The following TGFBR2 variants were observed in gnomAD, a reference collection of about 807,000 sequenced individuals.
TGFBR2 encodes TGF-beta receptor type-2.
TGFBR2 carries 18 observed loss-of-function variants against 49.0 expected under a neutral mutation model. The ratio of observed to expected loss-of-function variants is 0.37; its 90% CI spans 0.25 to 0.54. The LOEUF (loss-of-function observed/expected upper bound fraction) is 0.54. TGFBR2 is among the 20% of genes least tolerant of loss of function. The pLI is 0.85. For synonymous variants in TGFBR2, 282 were observed against 275.9 expected, an observed-to-expected ratio of 1.02 and a Z score of -0.22; for missense variants, 525 against 722.6, an observed-to-expected ratio of 0.73 and a Z score of 3.13.
At chr3:30,659,933 T>C (rs1360175778) in intron 3 of TGFBR2, among the ~76,000 whole-genome samples, 1 of 152,058 alleles carries the variant, frequency 6.6e-6, no homozygotes, top group Non-Finnish European at 1.5e-5. Flanking sequence ...AAATTGACTT[T>C]TATTTCCACC....
At position 30,639,805 on chromosome 3, in the gene TGFBR2, T is replaced by TA. The variant is rs375344656; in HGVS notation, c.95-4941dup. Reference sequence around the variant, plus strand: ...GTCGGTAGATACATGAATTCAATGATACACGAATGCATGAATTCAGTGATA... The same window carrying TA: ...GTCGGTAGATACATGAATTCAATGATAACACGAATGCATGAATTCAGTGATA... On this transcript the variant is annotated intron_variant, in intron 1 of 6. Transcript: ENST00000295754. Among the ~76,000 whole-genome samples, 3 of 152,332 alleles carry TA rather than the reference T, an allele frequency of 2.0e-5. No homozygotes were observed. The East Asian group carries it at 5.8e-4, about 29-fold the overall frequency.
intron 1 of TGFBR2, among the ~76,000 whole-genome samples, chr3:30,616,237 C>T (rs1318614222): frequency 6.6e-6 from 1 of 152,092 alleles, no homozygotes; most frequent in African/African-American, 2.4e-5. Flanking sequence ...AATGCCTCTT[C>T]CTCCTTCCCC....
Position 30,681,443 on chromosome 3 carries a change from T to G in TGFBR2, c.1397-6941T>G, listed in dbSNP as rs535661027. On this transcript the variant is annotated intron_variant, in intron 5 of 6. Coordinates refer to ENST00000295754, the MANE Select transcript of TGFBR2 (RefSeq NM_003242.6). The stretch of plus-strand genomic sequence containing the variant: ...CACCAGATGCTGACTTTCCGAGGAA[T>G]ACCATTGCTGTCCCAGAGACCTGCC... 7.9e-5 allele frequency among the ~76,000 whole-genome samples: 12 copies of G among 152,214 alleles called. No individual in the cohort carries two copies. The South Asian group carries it at 2.5e-3, about 32-fold the overall frequency.
At position 30,644,901 on chromosome 3, in the gene TGFBR2, C is replaced by T; in HGVS notation, c.249C>T (p.Val83=). 1 of 1,614,022 alleles carries T rather than the reference C, an allele frequency of 6.2e-7. No individual in the cohort carries two copies. The highest frequency in any genetic ancestry group is 8.5e-7 in the Non-Finnish European group (1 of 1,179,904). ...CCATCTGTGAGAAGCCACAGGAAGT[C>T]TGTGTGGCTGTATGGTAAGCAAGCC... The part of the protein sequence containing the change: ...ITSICEKPQE[V]CVAVWRKNDE... The change falls in exon 2 of 7, where the codon GTC becomes GTT. Residue 83 remains valine, a synonymous_variant. Coordinates refer to ENST00000295754, the MANE Select transcript of TGFBR2 (RefSeq NM_003242.6).
chr3:30,634,465 T>G (rs13083158), intron 1 of TGFBR2, among the ~76,000 whole-genome samples: 46,659 of 152,136 alleles, frequency 0.31, 8,314 homozygotes, highest in East Asian at 0.67. Context: ...TTAAAGATCT[T>G]GAGGAAAGGA....
chr3:30,631,668 AG>A (rs1698440446), intron 1 of TGFBR2, among the ~76,000 whole-genome samples: 1 of 143,508 alleles, frequency 7.0e-6, no homozygotes, highest in African/African-American at 2.6e-5. Context: ...AAAAACATGA[AG>A]GGGGAAGTTT....
intron 3 of TGFBR2, among the ~76,000 whole-genome samples, chr3:30,663,420 A>G (rs1263600809): frequency 6.6e-6 from 1 of 152,182 alleles, no homozygotes; most frequent in African/African-American, 2.4e-5. Context: ...CATTTCATGT[A>G]CTTTATAAAG....
At chr3:30,655,396 C>T (rs1486328424) in intron 3 of TGFBR2, among the ~76,000 whole-genome samples, 1 of 152,198 alleles carries the variant, frequency 6.6e-6, no homozygotes. Flanking sequence ...CATCCAGTTT[C>T]TCTTTTTCTC....
At chr3:30,631,657 G>A (rs1420898297) in intron 1 of TGFBR2, among the ~76,000 whole-genome samples, 8 of 117,454 alleles carry the variant, frequency 6.8e-5, no homozygotes, top group African/African-American at 2.5e-4. Context: ...TCCTCTGCTT[G>A]AAAAACATGA....
At chr3:30,640,410 G>A (rs1272368803) in intron 1 of TGFBR2, among the ~76,000 whole-genome samples, 1 of 152,204 alleles carries the variant, frequency 6.6e-6, no homozygotes, top group South Asian at 2.1e-4. Flanking sequence ...GGTACCCATG[G>A]GGGATTGGTT....
At chr3:30,669,276 AAAAG>A (rs1322028470) in intron 3 of TGFBR2, among the ~76,000 whole-genome samples, 1 of 152,094 alleles carries the variant, frequency 6.6e-6, no homozygotes, top group East Asian at 1.9e-4. Context: ...CGAGAAAAAA[AAAAG>A]AAAGTATCAG....
At chr3:30,680,839 C>G (rs1015997530) in intron 5 of TGFBR2, among the ~76,000 whole-genome samples, 2 of 152,180 alleles carry the variant, frequency 1.3e-5, no homozygotes, top group Non-Finnish European at 2.9e-5. Flanking sequence ...GATGGCTTCT[C>G]TTTTACAAAG....
chr3:30,640,261 A>C (rs1012840215), intron 1 of TGFBR2, among the ~76,000 whole-genome samples: 2 of 152,210 alleles, frequency 1.3e-5, no homozygotes, highest in Non-Finnish European at 2.9e-5. Flanking sequence ...ATGGCTTTCT[A>C]GGTGACAGAT....
In TGFBR2 at chr3:30,691,533, G is replaced by A. The variant is rs2125455585; in HGVS notation, c.1638G>A (p.Arg546=). 1.2e-6 allele frequency: 2 copies of A among 1,614,166 alleles called. No individual in the cohort carries two copies. The change falls in exon 7 of 7, where the codon AGG becomes AGA. Residue 546 remains arginine (R), a synonymous_variant. Transcript: ENST00000295754. The part of the protein sequence containing the change: ...ERFSELEHLD[R]LSGRSCSEEK... ...TCAGTGAGCTGGAGCATCTGGACAGGCTCTCGGGGAGGAGCTGCTCGGAGG... is the reference window on the plus strand; with the variant it reads ...TCAGTGAGCTGGAGCATCTGGACAGACTCTCGGGGAGGAGCTGCTCGGAGG...
Position 30,672,570 on chromosome 3 carries a change from A to G in TGFBR2, c.1254+133A>G, listed in dbSNP as rs1559467411. On this transcript the variant is annotated intron_variant, in intron 4 of 6. Coordinates refer to ENST00000295754, the MANE Select transcript of TGFBR2 (RefSeq NM_003242.6). The surrounding 1 kb of genome is among the most constrained non-coding windows in gnomAD (Gnocchi z 4.5). ...CTGGTCTAGGGAATCTAGCCAAAGTATGGAGTCTGCCTTGAGCATACTCTG... is the reference window on the plus strand; with the variant it reads ...CTGGTCTAGGGAATCTAGCCAAAGTGTGGAGTCTGCCTTGAGCATACTCTG... 9.9e-7 allele frequency: 1 copy of G among 1,008,876 alleles called. No homozygotes were observed. Among genetic ancestry groups the G allele is most frequent in the Non-Finnish European group, 1.6e-6 (1 of 644,592 alleles). The allele number at this position is 1,008,876 out of a possible 1,614,324, so 62.5% of individuals were successfully genotyped here.
chr3:30,677,504 G>A (rs527379109), intron 5 of TGFBR2, among the ~76,000 whole-genome samples: 2 of 152,284 alleles, frequency 1.3e-5, no homozygotes, highest in Non-Finnish European at 2.9e-5. Flanking sequence ...ACACAAAGCC[G>A]TTCACTTGAT....
In TGFBR2 at chr3:30,692,438, A is replaced by G. The variant is rs1234827645; in HGVS notation, c.*839A>G. On this transcript the variant is annotated 3_prime_UTR_variant, in exon 7 of 7. Coordinates refer to ENST00000295754, the MANE Select transcript of TGFBR2 (RefSeq NM_003242.6). ...CTTCATGGGTTGCAGAAAAATCAGAACAGATGTCCCCATCCATGCGATTGC... is the reference window on the plus strand; with the variant it reads ...CTTCATGGGTTGCAGAAAAATCAGAGCAGATGTCCCCATCCATGCGATTGC... 3 of 232,034 alleles carry G rather than the reference A, an allele frequency of 1.3e-5. No homozygotes were observed. Among genetic ancestry groups the G allele is most frequent in the African/African-American group, 2.2e-5 (1 of 45,262 alleles). The allele number at this position is 232,034 out of a possible 1,614,324, so 14.4% of individuals were successfully genotyped here. A position where few individuals can be genotyped will look rare whatever the true frequency, so the allele number is the denominator to read the frequency against.
chr3:30,683,366 T>C (rs1198898169), intron 5 of TGFBR2, among the ~76,000 whole-genome samples: 1 of 152,232 alleles, frequency 6.6e-6, no homozygotes, highest in Non-Finnish European at 1.5e-5. Context: ...AGCAGTTTGA[T>C]GTTGCCACAA....
intron 1 of TGFBR2, among the ~76,000 whole-genome samples, chr3:30,625,460 G>T (rs1217341902): frequency 2.0e-5 from 3 of 152,132 alleles, no homozygotes; most frequent in Non-Finnish European, 1.5e-5. Context: ...ATGTTGCCTT[G>T]TAGGGTCAAA....
Sources: allele counts gnomAD v4.1 joint callset (sites outside exome capture counted in the v4.1 genomes callset), GRCh38; gene constraint gnomAD v4.1.1; non-coding constraint Gnocchi (gnomAD v3.1); transcripts MANE v1.5; gene names NCBI Gene and HGNC (gene_info 2026-07-23, HGNC 2026-07-21).